Variants in FMN2 observed in about 807,000 individuals in gnomAD.
FMN2 encodes formin-2.
In FMN2, 51 loss-of-function variants were observed where a neutral mutation model predicts 142.3. That is an observed-to-expected ratio of 0.36 (90% CI 0.29 to 0.45). The LOEUF (loss-of-function observed/expected upper bound fraction) is 0.45, where lower values mean the gene tolerates loss of function less well. FMN2 is among the 20% of genes least tolerant of loss of function. The probability of loss-of-function intolerance (pLI) is 1.00; values close to 1 mark genes in which losing one functional copy is unlikely to be tolerated. For missense variants in FMN2, 1,936 were observed against 2,122.8 expected, an observed-to-expected ratio of 0.91 and a Z score of 1.73; for synonymous variants, 882 against 869.8, an observed-to-expected ratio of 1.01 and a Z score of -0.25.
At chr1:240,178,123 GA>G (rs1312636259) in intron 3 of FMN2, 55 bp downstream of exon 3, 32 of 1,402,966 alleles carry the variant, frequency 2.3e-5, no homozygotes, top group Non-Finnish European at 2.8e-5. Context: ...TAGAGAGAGA[GA>G]AGTTTTATTA....
chr1:240,128,636 A>G (rs1346616296), intron 2 of FMN2, among the ~76,000 whole-genome samples: 1 of 152,194 alleles, frequency 6.6e-6, no homozygotes, highest in Admixed American at 6.5e-5. Flanking sequence ...ATGTAAATGG[A>G]CATCGGTTTG....
intron 7 of FMN2, among the ~76,000 whole-genome samples, chr1:240,288,734 TG>T (rs1669678404): frequency 6.6e-6 from 1 of 151,936 alleles, no homozygotes; most frequent in South Asian, 2.1e-4. Flanking sequence ...ATGCCCTTTC[TG>T]TCTCACTCTA....
rs750588031 is a variant in FMN2 at position 240,092,786 on chromosome 1, T to C, written c.677T>C (p.Leu226Pro). The C allele has an allele frequency of 5.0e-6, 8 of 1,600,298 alleles. No individual in the cohort carries two copies. In the South Asian group the frequency reaches 8.9e-5, roughly 18 times the overall value. Residue 226 changes from leucine to proline, a missense_variant, in exon 1 of 18, where the codon CTC (leucine) becomes CCC (proline). This residue lies in a region of FMN2 where 751 missense variants were observed against 791.8 expected (regional missense o/e 0.95). Coordinates refer to ENST00000319653, the MANE Select transcript of FMN2 (RefSeq NM_020066.5). ...QLQQQQQQQQLQGAEEPAAPP... is the reference protein window; with the variant it reads ...QLQQQQQQQQPQGAEEPAAPP... Reference sequence around the variant, plus strand: ...CAGCAACAGCAGCAGCAGCAGCAGCTCCAGGGCGCCGAGGAGCCTGCAGCG... The same window carrying C: ...CAGCAACAGCAGCAGCAGCAGCAGCCCCAGGGCGCCGAGGAGCCTGCAGCG...
In FMN2 at chr1:240,355,951, C is replaced by A. The variant is rs201362506; in HGVS notation, c.4858+43C>A. 147 of 252,966 alleles carry A rather than the reference C, an allele frequency of 5.8e-4. 1 individual carries two copies. Among genetic ancestry groups the A allele is most frequent in the African/African-American group, 3.5e-3 (90 of 25,942 alleles). The allele number at this position is 252,966 out of a possible 1,614,324, so 15.7% of individuals were successfully genotyped here. A position where few individuals can be genotyped will look rare whatever the true frequency, so the allele number is the denominator to read the frequency against. On this transcript the variant is annotated intron_variant, in intron 14 of 17. Coordinates refer to ENST00000319653, the MANE Select transcript of FMN2 (RefSeq NM_020066.5). ...GTGTTATGTTTTTCTCCCCTTTCAGCAAAAAAAAAAAAAAAAAAAAAAAAA... is the reference window on the plus strand; with the variant it reads ...GTGTTATGTTTTTCTCCCCTTTCAGAAAAAAAAAAAAAAAAAAAAAAAAAA...
At chr1:240,159,807 A>G (rs142102300) in intron 2 of FMN2, among the ~76,000 whole-genome samples, 47 of 151,264 alleles carry the variant, frequency 3.1e-4, no homozygotes, top group African/African-American at 1.1e-3. Flanking sequence ...TCATGGTGGT[A>G]TGAATGTTTT....
intron 6 of FMN2, among the ~76,000 whole-genome samples, chr1:240,257,702 T>C (rs2102897016): frequency 6.6e-6 from 1 of 152,288 alleles, no homozygotes; most frequent in Middle Eastern, 3.4e-3. Flanking sequence ...AAAAGACTGG[T>C]TAAAAAACAT....
intron 7 of FMN2, among the ~76,000 whole-genome samples, chr1:240,281,028 G>A (rs547561192): frequency 1.3e-5 from 2 of 152,134 alleles, no homozygotes; most frequent in East Asian, 1.9e-4. Context: ...ACAAGACGGC[G>A]ACATACTGAC....
At chr1:240,136,579 G>A (rs1484972552) in intron 2 of FMN2, among the ~76,000 whole-genome samples, 2 of 152,064 alleles carry the variant, frequency 1.3e-5, no homozygotes, top group South Asian at 4.1e-4. Context: ...TTGGCAAACA[G>A]TGTTGGGTGA....
rs1246771080 is a variant in FMN2 at position 240,299,742 on chromosome 1, G to A, written c.4215+4859G>A. Among the ~76,000 whole-genome samples the A allele has an allele frequency of 3.2e-4, 49 of 151,906 alleles. 1 individual carries two copies. The highest frequency in any genetic ancestry group is 3.2e-3 in the Admixed American group (48 of 15,210). On this transcript the variant is annotated intron_variant, in intron 8 of 17. Coordinates refer to ENST00000319653, the MANE Select transcript of FMN2 (RefSeq NM_020066.5). Reference sequence around the variant, plus strand: ...CCTTAGATCTTTTGAGTGTCCGCTGGACTGAAAAGAAGCTTGAGCTTCCTT... The same window carrying A: ...CCTTAGATCTTTTGAGTGTCCGCTGAACTGAAAAGAAGCTTGAGCTTCCTT...
intron 4 of FMN2, among the ~76,000 whole-genome samples, chr1:240,191,490 T>G (rs1665695948): frequency 6.6e-6 from 1 of 152,254 alleles, no homozygotes; most frequent in Non-Finnish European, 1.5e-5. Flanking sequence ...CACTTACTGA[T>G]TATTTTAATT....
At chr1:240,109,645 T>G (rs1661734751) in intron 1 of FMN2, among the ~76,000 whole-genome samples, 1 of 152,146 alleles carries the variant, frequency 6.6e-6, no homozygotes, top group South Asian at 2.1e-4. Flanking sequence ...CTGTTCTCTG[T>G]GGTGAACTGA....
intron 2 of FMN2, among the ~76,000 whole-genome samples, chr1:240,153,975 G>A (rs1663898866): frequency 6.6e-6 from 1 of 151,752 alleles, no homozygotes; most frequent in Non-Finnish European, 1.5e-5. Context: ...AATCAGCCAG[G>A]TGTGGTGGTG....
intron 6 of FMN2, among the ~76,000 whole-genome samples, chr1:240,236,504 G>T (rs1461900894): frequency 6.6e-6 from 1 of 152,190 alleles, no homozygotes; most frequent in African/African-American, 2.4e-5. Flanking sequence ...AAGAAAAGAG[G>T]TTTATTTGGC....
At chr1:240,354,749 TAAAAGA>T (rs907042499) in intron 13 of FMN2, among the ~76,000 whole-genome samples, 1 of 152,132 alleles carries the variant, frequency 6.6e-6, no homozygotes, top group African/African-American at 2.4e-5. Flanking sequence ...TGTAGCTTTA[TAAAAGA>T]AAGAAAATAT....
Position 240,092,254 on chromosome 1 carries a change from G to A in FMN2, c.145G>A (p.Gly49Ser), listed in dbSNP as rs1661000466. The A allele has an allele frequency of 7.4e-6, 8 of 1,077,434 alleles. No individual in the cohort carries two copies. The highest frequency in any genetic ancestry group is 9.4e-6 in the Non-Finnish European group (7 of 741,478). The allele number at this position is 1,077,434 out of a possible 1,614,324, so 66.7% of individuals were successfully genotyped here. A position where few individuals can be genotyped will look rare whatever the true frequency, so the allele number is the denominator to read the frequency against. The part of the protein sequence containing the change: ...SGGKKALGKH[G>S]KGGGGGGGGG... Reference sequence around the variant, plus strand: ...GGGCAAGAAGGCGCTAGGCAAGCACGGCAAGGGGGGAGGGGGCGGCGGCGG... The same window carrying A: ...GGGCAAGAAGGCGCTAGGCAAGCACAGCAAGGGGGGAGGGGGCGGCGGCGG... Residue 49 changes from glycine (G) to serine (S), a missense_variant, in exon 1 of 18, where the codon GGC becomes AGC. Around this residue, in one of 8 missense-constraint regions of FMN2, gnomAD observed 751 missense variants for 791.8 expected, o/e 0.95. Transcript: ENST00000319653.
At chr1:240,318,593 T>C (rs1393616457) in intron 8 of FMN2, among the ~76,000 whole-genome samples, 4 of 152,148 alleles carry the variant, frequency 2.6e-5, no homozygotes, top group African/African-American at 9.7e-5. Context: ...CCTATGTTTG[T>C]TTGTACCATT....
chr1:240,167,502 T>G (rs537476291), intron 2 of FMN2, among the ~76,000 whole-genome samples: 1 of 152,328 alleles, frequency 6.6e-6, no homozygotes, highest in South Asian at 2.1e-4. Context: ...TCTTTTGATG[T>G]TATCTTATTA....
At position 240,419,019 on chromosome 1, in the gene FMN2, A is replaced by T; in HGVS notation, c.4911-19042A>T. On this transcript the variant is annotated intron_variant, in intron 15 of 17. Coordinates refer to ENST00000319653, the MANE Select transcript of FMN2 (RefSeq NM_020066.5). The stretch of plus-strand genomic sequence containing the variant: ...GCTACTTGGGAGGCTGAGGCAGGAG[A>T]ACTGCTTGATCCCGCGAGGCGGAGG... Among the ~76,000 whole-genome samples, 2 of 152,202 alleles carry T rather than the reference A, an allele frequency of 1.3e-5. 1 individual carries two copies. Among genetic ancestry groups the T allele is most frequent in the Non-Finnish European group, 2.9e-5 (2 of 68,030 alleles).
intron 6 of FMN2, among the ~76,000 whole-genome samples, chr1:240,223,847 T>C (rs1667207264): frequency 6.6e-6 from 1 of 152,178 alleles, no homozygotes; most frequent in Non-Finnish European, 1.5e-5. Flanking sequence ...TTATCATTTT[T>C]TATTGTGTCT....
Sources: gnomAD v4.1 joint callset for allele counts (sites outside exome capture counted in the v4.1 genomes callset) on GRCh38, gnomAD v4.1.1 for gene constraint, gnomAD v4.1.1 regional missense constraint, MANE v1.5 for transcripts, NCBI Gene and HGNC (gene_info 2026-07-23, HGNC 2026-07-21) for gene names.